Variants in EFHC2 observed in about 807,000 individuals in gnomAD.
EFHC2 encodes EF-hand domain containing 2, also known as EF-hand domain-containing family member C2.
In EFHC2, 18 loss-of-function variants were observed where a neutral mutation model predicts 52.7. That is an observed-to-expected ratio of 0.34 (90% confidence interval 0.24 to 0.51). EFHC2 has a LOEUF of 0.51. EFHC2 is among the 20% of genes least tolerant of loss of function. The pLI is 0.97. For synonymous variants in EFHC2, 203 were observed against 204.1 expected (o/e 0.99, Z 0.04); for missense variants, 513 against 562.5 (o/e 0.91, Z 0.89).
intron 7 of EFHC2, among the ~76,000 whole-genome samples, chrX:44,248,053 T>C (rs139924297): frequency 0.015 from 1,717 of 111,021 alleles, 16 homozygotes; most frequent in Non-Finnish European, 0.022. Flanking sequence ...TGAGCCCCCT[T>C]TAAGCCTCGG....
At chrX:44,268,890 T>G (rs2037597438) in intron 3 of EFHC2, among the ~76,000 whole-genome samples, 1 of 111,702 alleles carries the variant, frequency 9.0e-6, no homozygotes, top group African/African-American at 3.3e-5. Flanking sequence ...AAACCTGTTT[T>G]TAAAATGTTA....
chrX:44,296,002 C>A (rs971821580), intron 2 of EFHC2, among the ~76,000 whole-genome samples: 1 of 111,559 alleles, frequency 9.0e-6, no homozygotes, highest in Non-Finnish European at 1.9e-5. Context: ...CCCAAAAAAG[C>A]CTTTTCTCTC....
chrX:44,213,074 C>T (rs1439272527), intron 11 of EFHC2, among the ~76,000 whole-genome samples: 1 of 87,683 alleles, frequency 1.1e-5, no homozygotes, highest in African/African-American at 4.4e-5. Context: ...ACAAGGTATG[C>T]TAAAAGGCAA....
chrX:44,229,343 C>T (rs1177197051), intron 11 of EFHC2, among the ~76,000 whole-genome samples: 1 of 111,709 alleles, frequency 9.0e-6, no homozygotes, highest in East Asian at 2.8e-4. Flanking sequence ...TTCTGTCTTT[C>T]TCACTCAGAT....
intron 12 of EFHC2, among the ~76,000 whole-genome samples, chrX:44,178,128 A>AACACACACAC (rs1569277347): frequency 2.5e-5 from 1 of 40,235 alleles, no homozygotes; most frequent in African/African-American, 1.8e-4. Context: ...CAGATGCCAT[A>AACACACACAC]TCACACACAC....
intron 13 of EFHC2, among the ~76,000 whole-genome samples, chrX:44,165,232 T>TAGC (rs1304724452): frequency 1.8e-5 from 2 of 111,857 alleles, no homozygotes; most frequent in Non-Finnish European, 3.8e-5. Context: ...TAATAAAAAT[T>TAGC]AGCAGCAATA....
intron 1 of EFHC2, among the ~76,000 whole-genome samples, chrX:44,324,989 C>G (rs2038043407): frequency 8.9e-6 from 1 of 112,360 alleles, no homozygotes; most frequent in South Asian, 3.6e-4. Flanking sequence ...TGAATTCACA[C>G]ATTCAAACTC....
intron 1 of EFHC2, among the ~76,000 whole-genome samples, chrX:44,315,013 G>C (rs779080289): frequency 2.7e-5 from 3 of 111,487 alleles, no homozygotes; most frequent in Non-Finnish European, 5.7e-5. Context: ...TTGGAGGTGG[G>C]GGCCTGGTGG....
chrX:44,296,845 C>T (rs1040294937), intron 2 of EFHC2, among the ~76,000 whole-genome samples: 1 of 111,882 alleles, frequency 8.9e-6, no homozygotes, highest in Admixed American at 9.5e-5. Flanking sequence ...TTGGAAAGAG[C>T]AATACAATGA....
intron 8 of EFHC2, among the ~76,000 whole-genome samples, chrX:44,238,707 T>A (rs1465035867): frequency 9.0e-6 from 1 of 111,549 alleles, no homozygotes; most frequent in Non-Finnish European, 1.9e-5. Context: ...TTTCCTCTCC[T>A]CAGTAAAGTC....
intron 11 of EFHC2, among the ~76,000 whole-genome samples, chrX:44,187,343 G>T (rs1016092495): frequency 9.3e-6 from 1 of 108,005 alleles, no homozygotes; most frequent in African/African-American, 3.4e-5. Context: ...TTCTTAATAG[G>T]TGTGAACATA....
chrX:44,325,386 C>T (rs1372740936), intron 1 of EFHC2, among the ~76,000 whole-genome samples: 1 of 110,568 alleles, frequency 9.0e-6, no homozygotes, highest in Non-Finnish European at 1.9e-5. Flanking sequence ...CATAACTATT[C>T]CTAGATCCTA....
chrX:44,186,053 T>C (rs2036871601), intron 11 of EFHC2, among the ~76,000 whole-genome samples: 1 of 111,806 alleles, frequency 8.9e-6, no homozygotes, highest in Non-Finnish European at 1.9e-5. Context: ...TCAACTATAA[T>C]ACTATGGTTT....
chrX:44,149,552 G>A (rs1237437182), intron 14 of EFHC2, among the ~76,000 whole-genome samples: 3 of 111,305 alleles, frequency 2.7e-5, no homozygotes, highest in Non-Finnish European at 5.7e-5. Context: ...GTATCACTTT[G>A]TTGCCCAGGC....
At chrX:44,314,847 G>A (rs1420243715) in intron 1 of EFHC2, among the ~76,000 whole-genome samples, 1 of 111,501 alleles carries the variant, frequency 9.0e-6, no homozygotes, top group Non-Finnish European at 1.9e-5. Context: ...CTAACTTTGT[G>A]CCAAATATAC....
chrX:44,157,053 G>A (rs1475302462), intron 14 of EFHC2, among the ~76,000 whole-genome samples: 1 of 112,518 alleles, frequency 8.9e-6, no homozygotes, highest in Admixed American at 9.4e-5. Context: ...GGCCATAGCC[G>A]ACAGTCATGA....
At chrX:44,201,656 C>T (rs760558302) in intron 11 of EFHC2, among the ~76,000 whole-genome samples, 77 of 110,981 alleles carry the variant, frequency 6.9e-4, no homozygotes, top group Middle Eastern at 9.4e-3. Flanking sequence ...GGAAGTGAAT[C>T]ATTAAAAATC....
intron 2 of EFHC2, among the ~76,000 whole-genome samples, chrX:44,294,383 G>A (rs1425095732): frequency 9.1e-6 from 1 of 109,535 alleles, no homozygotes; most frequent in African/African-American, 3.3e-5. Flanking sequence ...TGGATTCCAT[G>A]CAAAAGAGTC....
intron 11 of EFHC2, among the ~76,000 whole-genome samples, chrX:44,202,963 C>T (rs1034052752): frequency 9.0e-6 from 1 of 111,058 alleles, no homozygotes; most frequent in Non-Finnish European, 1.9e-5. Context: ...TCTCTCACCC[C>T]TCTCCCAGTA....
Sources: gnomAD v4.1 joint callset for allele counts (sites outside exome capture counted in the v4.1 genomes callset) on GRCh38, gnomAD v4.1.1 for gene constraint, MANE v1.5 for transcripts, NCBI Gene and HGNC (gene_info 2026-07-23, HGNC 2026-07-21) for gene names.